The following CRYBG3 variants were observed in gnomAD, a reference collection of about 807,000 sequenced individuals.
CRYBG3 encodes the protein crystallin beta-gamma domain containing 3, also known as very large A-kinase anchor protein.
A neutral mutation model predicts 244.2 loss-of-function variants in CRYBG3; 127 were observed. The observed-to-expected ratio is 0.52, with a 90% CI of 0.45 to 0.60. The LOEUF is 0.60. Ranked by LOEUF, CRYBG3 falls within the 20% of genes least tolerant of loss-of-function variation. The pLI, the probability that CRYBG3 is intolerant of heterozygous loss-of-function variation, is 0.00. For synonymous variants in CRYBG3, 1,132 were observed against 1,195.8 expected (o/e 0.95, Z 1.10); for missense variants, 3,325 against 3,442.5 (o/e 0.97, Z 0.85).
rs146175676 is a variant in CRYBG3 at position 97,876,441 on chromosome 3, C to T, written c.5247C>T (p.Asp1749=). The part of the protein sequence containing the change: ...ENTYPKDTER[D]GGKTEVMPLA... ...CTTACCCAAAGGATACTGAAAGAGACGGTGGCAAAACTGAGGTGATGCCCC... is the reference window on the plus strand; with the variant it reads ...CTTACCCAAAGGATACTGAAAGAGATGGTGGCAAAACTGAGGTGATGCCCC... The change falls in exon 4 of 22, where the codon GAC becomes GAT. Residue 1749 remains aspartate, a synonymous_variant. Coordinates refer to ENST00000389622, the MANE Select transcript of CRYBG3 (RefSeq NM_153605.4). 6.1e-4 allele frequency: 752 copies of T among 1,231,966 alleles called. 2 individuals carry two copies. Among genetic ancestry groups the T allele is most frequent in the African/African-American group, 1.4e-3 (93 of 64,460 alleles). 76.3% of individuals were successfully genotyped at this position (1,231,966 alleles called of 1,614,324 possible).
rs1305703824 is a variant in CRYBG3, at chr3:97,892,957, T to C, written c.7538T>C (p.Phe2513Ser). Residue 2513 changes from phenylalanine (F) to serine (S), a missense_variant, in exon 11 of 22, where the codon TTT becomes TCT. Around this residue, in one of 4 missense-constraint regions of CRYBG3, gnomAD observed 714 missense variants for 803.6 expected, o/e 0.89. Coordinates refer to ENST00000389622, the MANE Select transcript of CRYBG3 (RefSeq NM_153605.4). ...VPNFLKNNGD[F>S]HRIGSIRVIG... ...AATTTTTTGAAAAATAATGGAGATT[T>C]TCACAGAATTGGATCAATTCGTGTC... is the stretch of plus-strand genomic sequence containing the variant. 1 of 1,603,670 alleles carries C rather than the reference T, an allele frequency of 6.2e-7. No individual in the cohort carries two copies. The highest frequency in any genetic ancestry group is 2.3e-5 in the East Asian group (1 of 44,202).
At chr3:97,918,717 C>T (rs1329894950) in intron 17 of CRYBG3, among the ~76,000 whole-genome samples, 1 of 152,164 alleles carries the variant, frequency 6.6e-6, no homozygotes, top group Non-Finnish European at 1.5e-5. Context: ...GCATGGCCTC[C>T]ACTTTAGGCT....
intron 2 of CRYBG3, 90 bp from the exon 3 acceptor site, chr3:97,864,127 T>C: frequency 9.9e-7 from 1 of 1,005,170 alleles, no homozygotes; most frequent in South Asian, 1.8e-5. Flanking sequence ...GTATCCCTGG[T>C]GTCTACACAG....
intron 8 of CRYBG3, among the ~76,000 whole-genome samples, chr3:97,887,692 G>C (rs1199467141): frequency 1.3e-5 from 2 of 152,196 alleles, no homozygotes; most frequent in African/African-American, 2.4e-5. Flanking sequence ...GAAGGCAGGG[G>C]TTGTGGTGAG....
In CRYBG3 at chr3:97,898,883, A is replaced by G; in HGVS notation, c.7702A>G (p.Asn2568Asp). The G allele has an allele frequency of 6.3e-7, 1 of 1,580,480 alleles. No individual in the cohort carries two copies. Among genetic ancestry groups the G allele is most frequent in the Non-Finnish European group, 8.6e-7 (1 of 1,164,226 alleles). Residue 2568 changes from asparagine to aspartate, a missense_variant and splice_region_variant, in exon 13 of 22, where the codon AAT becomes GAT. Asn to Asp is a conservative substitution (Grantham distance 23). Coordinates refer to ENST00000389622, the MANE Select transcript of CRYBG3 (RefSeq NM_153605.4). ...TAAACTTTCCTCTTTCTCCTTTTAG[A>G]ATTTTATAGAATCTTCTGTCACACT... The part of the protein sequence containing the change: ...PILSFRYLQA[N>D]FIESSVTLFE...
chr3:97,881,934 C>T (rs189203432), intron 7 of CRYBG3, among the ~76,000 whole-genome samples: 96 of 151,956 alleles, frequency 6.3e-4, no homozygotes, highest in Admixed American at 7.2e-4. Flanking sequence ...ATTGGCTGGG[C>T]ACTGTGGCTC....
intron 2 of CRYBG3, among the ~76,000 whole-genome samples, chr3:97,856,092 A>G (rs2108191998): frequency 6.6e-6 from 1 of 152,184 alleles, no homozygotes; most frequent in Non-Finnish European, 1.5e-5. Context: ...AGATACGGGC[A>G]CACCTAAGGG....
rs1488220612 is a variant in CRYBG3, at chr3:97,864,259, G to A, written c.259G>A (p.Val87Ile). 2 of 1,523,992 alleles carry A rather than the reference G, an allele frequency of 1.3e-6. No homozygotes were observed. Among genetic ancestry groups the A allele is most frequent in the Admixed American group, 2.1e-5 (1 of 48,146 alleles). 94.4% of individuals were successfully genotyped at this position (1,523,992 alleles called of 1,614,324 possible). A position where few individuals can be genotyped will look rare whatever the true frequency, so the allele number is the denominator to read the frequency against. Residue 87 changes from valine (V) to isoleucine (I), a missense_variant, in exon 3 of 22, where the codon GTC becomes ATC. Around this residue, in one of 4 missense-constraint regions of CRYBG3, gnomAD observed 1,526 missense variants for 1,443.2 expected, o/e 1.06. Transcript: ENST00000389622. Reference protein sequence around the residue: ...EDKRNHAEKPVTLPVQEDPKK... With the variant: ...EDKRNHAEKPITLPVQEDPKK... ...CAAAAGGAACCATGCTGAGAAGCCA[G>A]TCACTCTTCCAGTGCAGGAAGATCC... is the stretch of plus-strand genomic sequence containing the variant.
intron 17 of CRYBG3, among the ~76,000 whole-genome samples, chr3:97,929,963 G>T (rs574599556): frequency 6.6e-6 from 1 of 152,056 alleles, no homozygotes; most frequent in East Asian, 1.9e-4. Context: ...GAATTTAATG[G>T]CGTTTCAGTG....
At chr3:97,931,751 C>T (rs1015771195) in intron 17 of CRYBG3, among the ~76,000 whole-genome samples, 1 of 152,028 alleles carries the variant, frequency 6.6e-6, no homozygotes, top group Non-Finnish European at 1.5e-5. Context: ...ATTTGTTTGC[C>T]TTAACTAGCA....
intron 3 of CRYBG3, among the ~76,000 whole-genome samples, chr3:97,868,434 G>A (rs1038605656): frequency 6.6e-6 from 1 of 152,050 alleles, no homozygotes; most frequent in Non-Finnish European, 1.5e-5. Flanking sequence ...AGTACCTGAA[G>A]GGACTCACTA....
intron 17 of CRYBG3, among the ~76,000 whole-genome samples, chr3:97,926,155 A>G (rs2040038905): frequency 2.6e-5 from 4 of 152,120 alleles, no homozygotes; most frequent in Admixed American, 2.6e-4. Flanking sequence ...ATGAACAAAG[A>G]TGCAAAAATC....
At chr3:97,884,252 G>A (rs1213880972) in intron 7 of CRYBG3, among the ~76,000 whole-genome samples, 1 of 152,048 alleles carries the variant, frequency 6.6e-6, no homozygotes, top group Non-Finnish European at 1.5e-5. Flanking sequence ...AAAATAATTG[G>A]GGGTGAAGGT....
chr3:97,868,017 C>A (rs2039255740), intron 3 of CRYBG3, among the ~76,000 whole-genome samples: 1 of 152,204 alleles, frequency 6.6e-6, no homozygotes, highest in Non-Finnish European at 1.5e-5. Flanking sequence ...ACGGCGGTGG[C>A]TCACGCCTGT....
At chr3:97,932,282 T>G (rs955786084) in intron 17 of CRYBG3, among the ~76,000 whole-genome samples, 3 of 152,028 alleles carry the variant, frequency 2.0e-5, no homozygotes, top group Non-Finnish European at 4.4e-5. Flanking sequence ...TTGTGTTTAT[T>G]TCTAAACAAT....
Position 97,877,454 on chromosome 3 carries a change from C to T in CRYBG3, c.6260C>T (p.Pro2087Leu). 1 of 1,614,008 alleles carries T rather than the reference C, an allele frequency of 6.2e-7. No homozygotes were observed. Among genetic ancestry groups the T allele is most frequent in the Non-Finnish European group, 8.5e-7 (1 of 1,179,982 alleles). ...AAAATTTATCCTTTAGCATTGTCTC[C>T]CATTTATGAGGATGACAGCTCACAG... ...RYKIYPLALS[P>L]IYEDDSSQED... The change falls in exon 4 of 22, where the codon CCC becomes CTC. Residue 2087 changes from proline (P) to leucine (L), a missense_variant. Physicochemically the swap from Pro to Leu is moderately conservative, Grantham distance 98. Coordinates refer to ENST00000389622, the MANE Select transcript of CRYBG3 (RefSeq NM_153605.4).
At chr3:97,893,014 A>G in intron 11 of CRYBG3, 21 bp downstream of exon 11, 1 of 1,585,116 alleles carries the variant, frequency 6.3e-7, no homozygotes, top group Non-Finnish European at 8.5e-7. Context: ...TATTTTTAAC[A>G]TTTGCACAAG....
At chr3:97,868,845 A>T (rs909861219) in intron 3 of CRYBG3, among the ~76,000 whole-genome samples, 1 of 152,092 alleles carries the variant, frequency 6.6e-6, no homozygotes, top group African/African-American at 2.4e-5. Context: ...GAGGACCTAA[A>T]TTTACTATAC....
intron 1 of CRYBG3, among the ~76,000 whole-genome samples, chr3:97,836,746 G>A (rs1466354541): frequency 2.6e-5 from 4 of 152,090 alleles, no homozygotes; most frequent in African/African-American, 9.7e-5. Flanking sequence ...GGAATCTGAG[G>A]GAATAGAGGG....
Sources: gnomAD v4.1 joint callset for allele counts (sites outside exome capture counted in the v4.1 genomes callset) on GRCh38, gnomAD v4.1.1 for gene constraint, gnomAD v4.1.1 regional missense constraint, MANE v1.5 for transcripts, NCBI Gene and HGNC (gene_info 2026-07-23, HGNC 2026-07-21) for gene names.